Variants in RELCH observed in about 807,000 individuals in gnomAD.
RELCH encodes the protein RAB11 binding and LisH domain, coiled-coil and HEAT repeat containing.
A neutral mutation model predicts 150.3 loss-of-function variants in RELCH; 41 were observed. The observed-to-expected ratio is 0.27, with a 90% CI of 0.21 to 0.35. RELCH has a LOEUF of 0.35. RELCH is among the 10% of genes least tolerant of loss of function. RELCH has a pLI of 1.00. For missense variants in RELCH, 1,092 were observed against 1,467.8 expected, an observed-to-expected ratio of 0.74 and a Z score of 4.18; for synonymous variants, 478 against 531.8, an observed-to-expected ratio of 0.90 and a Z score of 1.39.
chr18:62,249,855 ATAAC>A (rs1423798552), intron 11 of RELCH, among the ~76,000 whole-genome samples: 1 of 152,112 alleles, frequency 6.6e-6, no homozygotes, highest in Non-Finnish European at 1.5e-5. Flanking sequence ...TATAATATAA[ATAAC>A]ATGAAAAAAG....
intron 28 of RELCH, among the ~76,000 whole-genome samples, chr18:62,303,258 C>A (rs1304374059): frequency 1.3e-5 from 2 of 152,098 alleles, no homozygotes; most frequent in South Asian, 2.1e-4. Context: ...GCCTAGGGAT[C>A]TGCATTTTCA....
chr18:62,239,311 T>C (rs1194863260), intron 10 of RELCH, among the ~76,000 whole-genome samples: 1 of 151,992 alleles, frequency 6.6e-6, no homozygotes, highest in Non-Finnish European at 1.5e-5. Flanking sequence ...ATTGTAAAAC[T>C]TTTACAGAGG....
At chr18:62,287,694 T>G (rs72949267) in intron 26 of RELCH, among the ~76,000 whole-genome samples, 156 of 152,314 alleles carry the variant, frequency 1.0e-3, no homozygotes, top group Non-Finnish European at 1.3e-3. Context: ...TTTTGAGAAT[T>G]TTGATGAAGT....
In RELCH at chr18:62,242,924, G is replaced by GA. The variant is rs561683523; in HGVS notation, c.1621-1835dup. On this transcript the variant is annotated intron_variant, in intron 10 of 28. Transcript: ENST00000644646. ...ACAGTAATAGGCTAGGAAGAAATGG[G>GA]AAAAATAGTATGAGAAGTATACATG... 1.6e-4 allele frequency among the ~76,000 whole-genome samples: 25 copies of GA among 152,134 alleles called. No individual in the cohort carries two copies. The East Asian group carries it at 4.6e-3, about 28-fold the overall frequency.
intron 19 of RELCH, among the ~76,000 whole-genome samples, chr18:62,267,356 C>A (rs75661614): frequency 0.068 from 10,217 of 151,252 alleles, 423 homozygotes; most frequent in Middle Eastern, 0.14. Flanking sequence ...AGCACCCCCA[C>A]CCCCATTTTT....
intron 25 of RELCH, among the ~76,000 whole-genome samples, 185 bp downstream of exon 25, chr18:62,282,629 A>C (rs781644595): frequency 6.6e-6 from 1 of 152,154 alleles, no homozygotes; most frequent in Non-Finnish European, 1.5e-5. Context: ...GTTATTGTGA[A>C]TTAATCAGTA....
intron 8 of RELCH, 86 bp downstream of exon 8, chr18:62,228,684 C>T (rs1200861861): frequency 8.2e-6 from 8 of 979,192 alleles, no homozygotes; most frequent in South Asian, 4.0e-5. Flanking sequence ...TTATTTAAAC[C>T]GCTTTTTTGC....
chr18:62,244,880 G>C lies in RELCH; in HGVS notation c.1733+4G>C. On this transcript the variant is annotated splice_donor_region_variant and intron_variant, in intron 11 of 28. Coordinates refer to ENST00000644646, the MANE Select transcript of RELCH (RefSeq NM_001346231.2). ...AGAGGCCAGATGATGAGCAAAGGTG[G>C]GTATGATTACATATGTGAAAAAGAA... 6.4e-7 allele frequency: 1 copy of C among 1,565,062 alleles called. No individual in the cohort carries two copies. The highest frequency in any genetic ancestry group is 1.1e-5 in the South Asian group (1 of 90,116).
intron 10 of RELCH, among the ~76,000 whole-genome samples, chr18:62,238,814 A>T (rs1029002673): frequency 6.6e-6 from 1 of 152,132 alleles, no homozygotes; most frequent in African/African-American, 2.4e-5. Context: ...TGAAGATGAA[A>T]CATATCTCAA....
At chr18:62,220,849 A>T in intron 2 of RELCH, 188 bp from the exon 3 acceptor site, 1 of 612,236 alleles carries the variant, frequency 1.6e-6, no homozygotes, top group Non-Finnish European at 2.9e-6. Context: ...TATGGAAAAC[A>T]TTCACCAGTT....
Position 62,187,992 on chromosome 18 carries a change from G to A in RELCH, c.487G>A (p.Gly163Ser). 2 of 1,597,966 alleles carry A rather than the reference G, an allele frequency of 1.3e-6. No individual in the cohort carries two copies. Among genetic ancestry groups the A allele is most frequent in the African/African-American group, 2.7e-5 (2 of 74,902 alleles). Reference sequence around the variant, plus strand: ...AGCAGCCGGCGTTGGGGGCGCTGGAGGTCGGGAACCGAGTACAGCGTCGGG... The same window carrying A: ...AGCAGCCGGCGTTGGGGGCGCTGGAAGTCGGGAACCGAGTACAGCGTCGGG... ...PGAAGVGGAG[G>S]REPSTASGGG... Residue 163 changes from glycine to serine, a missense_variant, in exon 1 of 29, where the codon GGT becomes AGT. Gly to Ser is a moderately conservative substitution (Grantham distance 56). This residue lies in a region of RELCH where 190 missense variants were observed against 276.2 expected (regional missense o/e 0.69). Transcript: ENST00000644646.
chr18:62,222,459 A>C (rs1024416182), intron 5 of RELCH, among the ~76,000 whole-genome samples: 2 of 151,956 alleles, frequency 1.3e-5, no homozygotes, highest in African/African-American at 4.8e-5. Flanking sequence ...AATATGTGAG[A>C]AACATTGAGA....
chr18:62,258,826 C>A, intron 15 of RELCH, 150 bp downstream of exon 15: 2 of 526,600 alleles, frequency 3.8e-6, no homozygotes, highest in Non-Finnish European at 3.2e-6. Flanking sequence ...GGACTGGAGC[C>A]AAGAAAGAGA....
At chr18:62,244,708 A>G in intron 10 of RELCH, 56 bp from the exon 11 acceptor site, 2 of 1,128,326 alleles carry the variant, frequency 1.8e-6, no homozygotes, top group Non-Finnish European at 2.7e-6. Context: ...TGGAGGAAAA[A>G]AGAATATTCT....
At chr18:62,232,494 A>T in intron 10 of RELCH, 67 bp downstream of exon 10, 1 of 923,856 alleles carries the variant, frequency 1.1e-6, no homozygotes, top group East Asian at 2.4e-5. Flanking sequence ...GTCATTTTGA[A>T]GTTGAGTGTT....
intron 1 of RELCH, among the ~76,000 whole-genome samples, chr18:62,204,643 T>G (rs2148266061): frequency 6.6e-6 from 1 of 152,258 alleles, no homozygotes; most frequent in South Asian, 2.1e-4. Context: ...TTATAATATG[T>G]CATATTAGTT....
Position 62,243,976 on chromosome 18 carries a change from T to G in RELCH, c.1621-788T>G, listed in dbSNP as rs149323782. 2.4e-3 allele frequency among the ~76,000 whole-genome samples: 358 copies of G among 152,230 alleles called. 2 individuals carry two copies. Among genetic ancestry groups the G allele is most frequent in the Middle Eastern group, 3.4e-3 (1 of 294 alleles). ...TCTCGCAAAAATATTTTATTACTTT[T>G]GGACCATTATTCTTCTTGGATTTGA... On this transcript the variant is annotated intron_variant, in intron 10 of 28. Transcript: ENST00000644646.
At chr18:62,240,525 C>T (rs77204792) in intron 10 of RELCH, among the ~76,000 whole-genome samples, 21,514 of 151,052 alleles carry the variant, frequency 0.14, 1,817 homozygotes, top group African/African-American at 0.24. Flanking sequence ...CCTCCTACCT[C>T]AGCCTCCCAA....
chr18:62,202,019 A>G (rs980556991), intron 1 of RELCH, among the ~76,000 whole-genome samples: 3 of 152,214 alleles, frequency 2.0e-5, no homozygotes, highest in African/African-American at 7.2e-5. Flanking sequence ...ACGACTGTGT[A>G]TAATAGGTTT....
Sources: gnomAD v4.1 joint callset for allele counts (sites outside exome capture counted in the v4.1 genomes callset) on GRCh38, gnomAD v4.1.1 for gene constraint, gnomAD v4.1.1 regional missense constraint, MANE v1.5 for transcripts, NCBI Gene and HGNC (gene_info 2026-07-23, HGNC 2026-07-21) for gene names.